Variants in PTPN21 observed in about 807,000 individuals in gnomAD.
PTPN21 encodes tyrosine-protein phosphatase non-receptor type 21.
PTPN21 carries 77 observed loss-of-function variants against 131.8 expected under a neutral mutation model. The ratio of observed to expected loss-of-function variants is 0.58; its 90% CI spans 0.49 to 0.71. PTPN21 has a LOEUF of 0.71. Ranked by LOEUF, PTPN21 falls within the 30% of genes least tolerant of loss-of-function variation. The pLI, the probability that PTPN21 is intolerant of heterozygous loss-of-function variation, is 0.00. For synonymous variants in PTPN21, 715 were observed against 621.3 expected, an observed-to-expected ratio of 1.15 and a Z score of -2.24; for missense variants, 1,552 against 1,527.1, an observed-to-expected ratio of 1.02 and a Z score of -0.27.
rs142306175 is a variant in PTPN21, at chr14:88,468,191, G to A, written c.3471C>T (p.Tyr1157=). Residue 1157 remains tyrosine (Y), a synonymous_variant, in exon 19 of 19, where the codon TAC becomes TAT. Transcript: ENST00000556564. Reference sequence around the variant, plus strand: ...GGATGAGGACTCTGTACACAAATGTGTACTGGCAGAGAGTCTGCACCAGCA... The same window carrying A: ...GGATGAGGACTCTGTACACAAATGTATACTGGCAGAGAGTCTGCACCAGCA... ...RMMLVQTLCQ[Y]TFVYRVLIQF... 8.1e-6 allele frequency: 13 copies of A among 1,613,026 alleles called. No individual in the cohort carries two copies. The highest frequency in any genetic ancestry group is 1.3e-5 in the African/African-American group (1 of 74,910).
chr14:88,527,987 T>C (rs973805099), intron 2 of PTPN21, among the ~76,000 whole-genome samples: 3 of 152,278 alleles, frequency 2.0e-5, no homozygotes, highest in Middle Eastern at 3.4e-3. Flanking sequence ...TATTTCTGGG[T>C]TCTCTATTCT....
chr14:88,548,527 C>A (rs1371175965), intron 2 of PTPN21, among the ~76,000 whole-genome samples: 1 of 152,178 alleles, frequency 6.6e-6, no homozygotes, highest in African/African-American at 2.4e-5. Flanking sequence ...TATAGCACAC[C>A]CTCTACTTCC....
In PTPN21 at chr14:88,479,891, G is replaced by A. The variant is rs761004886; in HGVS notation, c.1540C>T (p.Leu514=). 20 of 1,591,634 alleles carry A rather than the reference G, an allele frequency of 1.3e-5. No individual in the cohort carries two copies. In the Admixed American group the frequency reaches 3.4e-4, roughly 27 times the overall value. ...GACGGGCTGTGGAAGCTGTAGCTCA[G>A]GCTGAACGGGCAGTGTGCGGCCGCT... ...SPAAAHCPFS[L]SYSFHSPSPY... The change falls in exon 13 of 19, where the codon CTG becomes TTG. Residue 514 remains leucine, a synonymous_variant. Transcript: ENST00000556564.
At chr14:88,495,552 C>T (rs997680843) in intron 10 of PTPN21, among the ~76,000 whole-genome samples, 1 of 152,042 alleles carries the variant, frequency 6.6e-6, no homozygotes, top group East Asian at 1.9e-4. Flanking sequence ...CCCAGCTACT[C>T]GGGAGGCTGA....
intron 2 of PTPN21, among the ~76,000 whole-genome samples, chr14:88,523,806 A>G (rs1458867687): frequency 6.6e-6 from 1 of 151,914 alleles, no homozygotes; most frequent in African/African-American, 2.4e-5. Flanking sequence ...AGGGTACAAG[A>G]TCAACATGCA....
rs142303448 is a variant in PTPN21, at chr14:88,510,147, A to G, written c.351-2127T>C. On this transcript the variant is annotated intron_variant, in intron 3 of 18. Coordinates refer to ENST00000556564, the MANE Select transcript of PTPN21 (RefSeq NM_007039.4). ...TACTGTTATGAGAATTGACTCTTCC[A>G]TATTTGCTCTAACTTATTCATTTCT... Among the ~76,000 whole-genome samples, 399 of 152,284 alleles carry G rather than the reference A, an allele frequency of 2.6e-3. 2 individuals are homozygous for G. Among genetic ancestry groups the G allele is most frequent in the African/African-American group, 9.2e-3 (383 of 41,546 alleles).
intron 3 of PTPN21, among the ~76,000 whole-genome samples, chr14:88,511,433 GAGGC>G (rs1431842523): frequency 6.6e-6 from 1 of 152,268 alleles, no homozygotes; most frequent in South Asian, 2.1e-4. Flanking sequence ...AGCACTTTGG[GAGGC>G]TGAGGCAGGT....
At chr14:88,489,479 A>C (rs2140114040) in intron 10 of PTPN21, among the ~76,000 whole-genome samples, 1 of 152,046 alleles carries the variant, frequency 6.6e-6, no homozygotes, top group East Asian at 1.9e-4. Flanking sequence ...ATCTCTAAAA[A>C]ACTAAAAAAA....
rs1020989858 is a variant in PTPN21, at chr14:88,554,931, G to A, written c.-483C>T. On this transcript the variant is annotated 5_prime_UTR_variant, in exon 1 of 19. Transcript: ENST00000556564. ...CAAAGAAGCCCCGTGGGGGCGGGGG[G>A]TGGCAGGAGGACGGACAGACCGTCG... 2.0e-5 allele frequency among the ~76,000 whole-genome samples: 3 copies of A among 151,696 alleles called. No individual in the cohort carries two copies. Among genetic ancestry groups the A allele is most frequent in the African/African-American group, 7.2e-5 (3 of 41,406 alleles).
At chr14:88,489,849 C>T (rs60902771) in intron 10 of PTPN21, among the ~76,000 whole-genome samples, 5,577 of 152,048 alleles carry the variant, frequency 0.037, 347 homozygotes, top group African/African-American at 0.13. Context: ...TGCCTGCTTC[C>T]ACTGTTCACC....
Position 88,504,515 on chromosome 14 carries a change from G to GTT in PTPN21, c.517-21_517-20insAA, listed in dbSNP as rs1566830244. 2 of 1,585,132 alleles carry GTT rather than the reference G, an allele frequency of 1.3e-6. No individual in the cohort carries two copies. Among genetic ancestry groups the GTT allele is most frequent in the Non-Finnish European group, 1.7e-6 (2 of 1,154,390 alleles). ...CCATCCCTGAAGAAAACACACAGTGGTAAGTATGTGACAATTCACCCCAAT... is the reference window on the plus strand; with the variant it reads ...CCATCCCTGAAGAAAACACACAGTGGTTTAAGTATGTGACAATTCACCCCAAT... On this transcript the variant is annotated intron_variant, in intron 5 of 18. Coordinates refer to ENST00000556564, the MANE Select transcript of PTPN21 (RefSeq NM_007039.4).
chr14:88,479,672 T>C lies in PTPN21; in HGVS notation c.1759A>G (p.Ile587Val), dbSNP rs761511657. The change falls in exon 13 of 19, where the codon ATC becomes GTC. Residue 587 changes from isoleucine (I) to valine (V), a missense_variant. Transcript: ENST00000556564. The stretch of plus-strand genomic sequence containing the variant: ...ATGAGGTCGGGGTTGCTGCTGCTGA[T>C]GTAAAGGTGGCGGGACAGGTCTGGC... ...STPDLSRHLY[I>V]SSSNPDLITR... The C allele has an allele frequency of 2.0e-6, 3 of 1,517,434 alleles. No homozygotes were observed. Among genetic ancestry groups the C allele is most frequent in the East Asian group, 4.6e-5 (2 of 43,570 alleles). The allele number at this position is 1,517,434 out of a possible 1,614,324, so 94.0% of individuals were successfully genotyped here. A position where few individuals can be genotyped will look rare whatever the true frequency, so the allele number is the denominator to read the frequency against.
intron 2 of PTPN21, among the ~76,000 whole-genome samples, chr14:88,548,122 C>G (rs2078808861): frequency 6.6e-6 from 1 of 152,116 alleles, no homozygotes; most frequent in Non-Finnish European, 1.5e-5. Context: ...GGTCCTGATC[C>G]AGATTCCAAC....
At chr14:88,502,872 T>A (rs1157754417) in intron 6 of PTPN21, among the ~76,000 whole-genome samples, 2 of 151,388 alleles carry the variant, frequency 1.3e-5, no homozygotes, top group Non-Finnish European at 2.9e-5. Context: ...AGGAGAGAGG[T>A]AAGAGGAAAC....
chr14:88,510,562 T>A (rs1214758212), intron 3 of PTPN21, among the ~76,000 whole-genome samples: 1 of 151,752 alleles, frequency 6.6e-6, no homozygotes, highest in African/African-American at 2.4e-5. Context: ...CTAGTATTTT[T>A]ATTCATTTAG....
At chr14:88,535,025 A>G (rs574794714) in intron 2 of PTPN21, among the ~76,000 whole-genome samples, 31 of 152,132 alleles carry the variant, frequency 2.0e-4, no homozygotes, top group Non-Finnish European at 3.4e-4. Flanking sequence ...TGCAAGCGCC[A>G]TTCACGGTAA....
At chr14:88,474,409 C>G (rs2077520092) in intron 13 of PTPN21, among the ~76,000 whole-genome samples, 1 of 152,118 alleles carries the variant, frequency 6.6e-6, no homozygotes, top group African/African-American at 2.4e-5. Flanking sequence ...AGGCTGGTCT[C>G]AAACAACTGA....
intron 2 of PTPN21, among the ~76,000 whole-genome samples, chr14:88,529,237 T>C (rs1395878855): frequency 6.6e-6 from 1 of 152,206 alleles, no homozygotes; most frequent in African/African-American, 2.4e-5. Context: ...GAGATGATCA[T>C]ATTGTTTTTA....
chr14:88,554,220 G>A (rs1223767459), intron 1 of PTPN21, among the ~76,000 whole-genome samples: 1 of 152,200 alleles, frequency 6.6e-6, no homozygotes. Context: ...GTCGGAATTT[G>A]CAGATCCAAG....
Sources: gnomAD v4.1 joint callset for allele counts (sites outside exome capture counted in the v4.1 genomes callset) on GRCh38, gnomAD v4.1.1 for gene constraint, MANE v1.5 for transcripts, NCBI Gene and HGNC (gene_info 2026-07-23, HGNC 2026-07-21) for gene names.